The following CADPS variants were observed in gnomAD, a reference collection of about 807,000 sequenced individuals.
The protein encoded by CADPS is calcium-dependent secretion activator 1.
In CADPS, 57 loss-of-function variants were observed where a neutral mutation model predicts 167.3. That is an observed-to-expected ratio of 0.34 (90% CI 0.28 to 0.42). The LOEUF (loss-of-function observed/expected upper bound fraction) is 0.42. CADPS is among the 20% of genes least tolerant of loss of function. CADPS has a pLI of 1.00. For missense variants in CADPS, 1,414 were observed against 1,738.1 expected (o/e 0.81, Z 3.32); for synonymous variants, 676 against 635.3 (o/e 1.06, Z -0.96).
chr3:62,628,917 G>A lies in CADPS; in HGVS notation c.1325+16805C>T, dbSNP rs543677531. 6.6e-5 allele frequency among the ~76,000 whole-genome samples: 10 copies of A among 151,978 alleles called. No homozygotes were observed. The East Asian group carries it at 1.7e-3, about 27-fold the overall frequency. ...TGGGATTACAGTCATGAACCACCAC[G>A]CCTGGCCAACCATGAGCCTTTTTGT... On this transcript the variant is annotated intron_variant, in intron 6 of 29. Coordinates refer to ENST00000383710, the MANE Select transcript of CADPS (RefSeq NM_003716.4).
chr3:62,541,905 T>A (rs2075758039), intron 11 of CADPS, among the ~76,000 whole-genome samples: 1 of 152,184 alleles, frequency 6.6e-6, no homozygotes, highest in South Asian at 2.1e-4. Context: ...TTAGATAGAC[T>A]TGCAATAATG....
At chr3:62,838,276 T>G (rs1190330076) in intron 1 of CADPS, among the ~76,000 whole-genome samples, 3 of 152,152 alleles carry the variant, frequency 2.0e-5, no homozygotes, top group East Asian at 3.9e-4. Flanking sequence ...ATTTGACAGG[T>G]GGGCTACACA....
At chr3:62,804,002 C>A (rs1358287387) in intron 1 of CADPS, among the ~76,000 whole-genome samples, 1 of 152,006 alleles carries the variant, frequency 6.6e-6, no homozygotes, top group Non-Finnish European at 1.5e-5. Flanking sequence ...ACGTCATTAC[C>A]TCAAAAGGAC....
At chr3:62,505,360 G>A (rs895535708) in intron 17 of CADPS, among the ~76,000 whole-genome samples, 6 of 152,058 alleles carry the variant, frequency 3.9e-5, no homozygotes, top group African/African-American at 1.4e-4. Context: ...GCTTTTCATT[G>A]GAGCCATCGT....
chr3:62,627,902 T>C (rs556488323), intron 6 of CADPS, among the ~76,000 whole-genome samples: 4 of 152,282 alleles, frequency 2.6e-5, no homozygotes, highest in Admixed American at 2.6e-4. Context: ...AACCTCAAAC[T>C]GTCATGTGAA....
intron 6 of CADPS, among the ~76,000 whole-genome samples, chr3:62,627,610 C>G (rs1298391855): frequency 6.7e-6 from 1 of 148,308 alleles, no homozygotes; most frequent in African/African-American, 2.5e-5. Context: ...CTATTTGATG[C>G]TTTTCTTTTA....
In CADPS at chr3:62,536,599, T is replaced by G; in HGVS notation, c.1967-18A>C. 6.2e-7 allele frequency: 1 copy of G among 1,609,362 alleles called. No individual in the cohort carries two copies. Among genetic ancestry groups the G allele is most frequent in the Admixed American group, 1.7e-5 (1 of 59,440 alleles). On this transcript the variant is annotated intron_variant, in intron 11 of 29. Transcript: ENST00000383710. ...ATCTGCGTCTGTTCATTTATACATG[T>G]AGAGAGAGACACAATTTAGAGAAAC... is the stretch of plus-strand genomic sequence containing the variant.
At chr3:62,572,324 G>A (rs916879263) in intron 8 of CADPS, among the ~76,000 whole-genome samples, 5 of 152,058 alleles carry the variant, frequency 3.3e-5, no homozygotes, top group Non-Finnish European at 4.4e-5. Flanking sequence ...AGTTCCTCAC[G>A]GCTCTGTCTT....
chr3:62,569,911 C>T (rs986567812), intron 9 of CADPS, among the ~76,000 whole-genome samples: 1 of 152,154 alleles, frequency 6.6e-6, no homozygotes, highest in African/African-American at 2.4e-5. Context: ...ACACCCTCCC[C>T]TACCAAAAAG....
Position 62,795,855 on chromosome 3 carries a change from A to G in CADPS, c.442-29871T>C, listed in dbSNP as rs118170500. On this transcript the variant is annotated intron_variant, in intron 1 of 29. Transcript: ENST00000383710. ...TGAAAAAGGAGCTGATTGCTGAAGGATCAATGGGAGGTAACAGAGTAGAGA... is the reference window on the plus strand; with the variant it reads ...TGAAAAAGGAGCTGATTGCTGAAGGGTCAATGGGAGGTAACAGAGTAGAGA... 1.6e-3 allele frequency among the ~76,000 whole-genome samples: 239 copies of G among 152,324 alleles called. No homozygotes were observed. In the East Asian group the frequency reaches 0.018, roughly 11 times the overall value.
intron 3 of CADPS, among the ~76,000 whole-genome samples, chr3:62,746,447 C>T (rs958599638): frequency 1.3e-5 from 2 of 152,226 alleles, no homozygotes; most frequent in Middle Eastern, 3.4e-3. Context: ...GCGATTCTCC[C>T]ACCTTGGCCC....
chr3:62,594,341 T>C (rs1293805719), intron 6 of CADPS, among the ~76,000 whole-genome samples: 3 of 151,526 alleles, frequency 2.0e-5, no homozygotes, highest in Admixed American at 1.3e-4. Context: ...TTTTGTATTT[T>C]TAGTAGAGAC....
At chr3:62,661,646 G>A (rs1302124405) in intron 4 of CADPS, among the ~76,000 whole-genome samples, 1 of 152,162 alleles carries the variant, frequency 6.6e-6, no homozygotes, top group East Asian at 1.9e-4. Flanking sequence ...GTTTTGAGAT[G>A]TTTGTATATG....
chr3:62,762,564 G>C (rs187393151), intron 2 of CADPS, among the ~76,000 whole-genome samples: 9 of 151,390 alleles, frequency 5.9e-5, no homozygotes, highest in African/African-American at 2.2e-4. Context: ...GCTGAGGAGG[G>C]AGGATCACTT....
chr3:62,846,058 T>G (rs1577228654), intron 1 of CADPS, among the ~76,000 whole-genome samples: 1 of 11,230 alleles, frequency 8.9e-5, no homozygotes, highest in African/African-American at 2.3e-4. Flanking sequence ...CCCTTTGCTC[T>G]CTCTCTCTCT....
chr3:62,583,054 C>T (rs147200899), intron 8 of CADPS, among the ~76,000 whole-genome samples: 2 of 152,148 alleles, frequency 1.3e-5, no homozygotes, highest in African/African-American at 4.8e-5. Flanking sequence ...AGGCACTGAT[C>T]ATTTTTTTAA....
In CADPS at chr3:62,681,113, A is replaced by T. The variant is rs370277000; in HGVS notation, c.889-18719T>A. ...TTCTTGGCTGGGAACACATCTGTGC[A>T]TGACTAGGATCTCCTGGCTTCAGAA... On this transcript the variant is annotated intron_variant, in intron 3 of 29. Coordinates refer to ENST00000383710, the MANE Select transcript of CADPS (RefSeq NM_003716.4). Among the ~76,000 whole-genome samples, 5 of 151,992 alleles carry T rather than the reference A, an allele frequency of 3.3e-5. No homozygotes were observed. In the South Asian group the frequency reaches 8.3e-4, roughly 25 times the overall value.
At chr3:62,856,920 T>C (rs1278691513) in intron 1 of CADPS, among the ~76,000 whole-genome samples, 1 of 151,408 alleles carries the variant, frequency 6.6e-6, no homozygotes, top group Admixed American at 6.6e-5. Context: ...AGTTTTATAA[T>C]CTTTGGATAG....
At chr3:62,775,577 G>A (rs2090074976) in intron 1 of CADPS, among the ~76,000 whole-genome samples, 1 of 152,138 alleles carries the variant, frequency 6.6e-6, no homozygotes, top group South Asian at 2.1e-4. Flanking sequence ...AAAAAATATT[G>A]TCAGTTGTTT....
Sources: gnomAD v4.1 joint callset for allele counts (sites outside exome capture counted in the v4.1 genomes callset) on GRCh38, gnomAD v4.1.1 for gene constraint, MANE v1.5 for transcripts, NCBI Gene and HGNC (gene_info 2026-07-23, HGNC 2026-07-21) for gene names.